The following ANAPC4 variants were observed in gnomAD, a reference collection of about 807,000 sequenced individuals.
The protein encoded by ANAPC4 is anaphase-promoting complex subunit 4.
In ANAPC4, 63 loss-of-function variants were observed where a neutral mutation model predicts 119.8. That is an observed-to-expected ratio of 0.53 (90% CI 0.43 to 0.65). ANAPC4 has a LOEUF of 0.65. Ranked by LOEUF, ANAPC4 falls within the 30% of genes least tolerant of loss-of-function variation. The pLI is 0.00. For missense variants in ANAPC4, 716 were observed against 945.1 expected (o/e 0.76, Z 3.18); for synonymous variants, 283 against 318.6 (o/e 0.89, Z 1.19).
chr4:25,416,449 G>A lies in ANAPC4; in HGVS notation c.1926G>A (p.Gln642=). 2 of 1,571,994 alleles carry A rather than the reference G, an allele frequency of 1.3e-6. No homozygotes were observed. The highest frequency in any genetic ancestry group is 1.7e-6 in the Non-Finnish European group (2 of 1,153,318). ...RRSIYSCLDA[Q]FYDDETVTVV... ...GCATCTACAGTTGTTTAGATGCACA[G>A]TTTTATGATGATGAAACTGTAACAG... Residue 642 remains glutamine, a synonymous_variant, in exon 27 of 29, where the codon CAG becomes CAA. Coordinates refer to ENST00000315368, the MANE Select transcript of ANAPC4 (RefSeq NM_013367.3).
At chr4:25,388,603 A>G (rs752884098) in intron 5 of ANAPC4, 29 bp downstream of exon 5, 4 of 1,573,612 alleles carry the variant, frequency 2.5e-6, no homozygotes, top group Admixed American at 1.7e-5. Context: ...TTTGAAATTA[A>G]TCTTGCAGAT....
chr4:25,416,320 TTAAC>T (rs2109148667), intron 26 of ANAPC4, 101 bp from the exon 27 acceptor site: 2 of 629,570 alleles, frequency 3.2e-6, no homozygotes, highest in East Asian at 5.9e-5. Context: ...AGAATGTCAC[TTAAC>T]TTTTAAATTT....
intron 3 of ANAPC4, among the ~76,000 whole-genome samples, chr4:25,380,920 C>G (rs1398096455): frequency 6.6e-6 from 1 of 152,170 alleles, no homozygotes; most frequent in Non-Finnish European, 1.5e-5. Flanking sequence ...TTTGCCTCAC[C>G]TGGGGGACTA....
intron 17 of ANAPC4, among the ~76,000 whole-genome samples, chr4:25,403,324 C>G (rs1043863765): frequency 2.0e-5 from 3 of 151,998 alleles, no homozygotes; most frequent in Admixed American, 6.5e-5. Context: ...TTGTAAAGAT[C>G]AAATCAGTAT....
At chr4:25,382,409 T>C (rs1215801321) in intron 3 of ANAPC4, among the ~76,000 whole-genome samples, 1 of 152,230 alleles carries the variant, frequency 6.6e-6, no homozygotes, top group African/African-American at 2.4e-5. Flanking sequence ...TTGGAGTATA[T>C]GTAGAATATG....
At chr4:25,411,217 G>C (rs918595535) in intron 21 of ANAPC4, among the ~76,000 whole-genome samples, 33 of 152,154 alleles carry the variant, frequency 2.2e-4, no homozygotes, top group African/African-American at 8.0e-4. Flanking sequence ...TAATCAGGAT[G>C]CCCAGGGAAT....
At chr4:25,382,190 C>T (rs917458971) in intron 3 of ANAPC4, among the ~76,000 whole-genome samples, 2 of 152,090 alleles carry the variant, frequency 1.3e-5, no homozygotes, top group Non-Finnish European at 2.9e-5. Flanking sequence ...TGCGTACTAA[C>T]CCACTATATT....
rs779804823 is a variant in ANAPC4, at chr4:25,413,680, T to C, written c.1561T>C (p.Ser521Pro). 1.9e-6 allele frequency: 3 copies of C among 1,613,638 alleles called. No homozygotes were observed. Among genetic ancestry groups the C allele is most frequent in the Non-Finnish European group, 2.5e-6 (3 of 1,179,754 alleles). Residue 521 changes from serine (S) to proline (P), a missense_variant, in exon 22 of 29, where the codon TCA becomes CCA. Coordinates refer to ENST00000315368, the MANE Select transcript of ANAPC4 (RefSeq NM_013367.3). ...PLLFPYYPRK[S>P]LHFVKRRMEN... ...GCTGTTTCCTTATTATCCTCGAAAA[T>C]CATTGCATTTTGTGAAAAGGCGGAT...
chr4:25,403,268 T>C (rs1197759172), intron 17 of ANAPC4, among the ~76,000 whole-genome samples: 1 of 152,074 alleles, frequency 6.6e-6, no homozygotes, highest in Non-Finnish European at 1.5e-5. Context: ...TTAATAAATA[T>C]ACATATTTTT....
At chr4:25,410,445 C>T (rs1723498563) in intron 21 of ANAPC4, among the ~76,000 whole-genome samples, 1 of 152,082 alleles carries the variant, frequency 6.6e-6, no homozygotes, top group South Asian at 2.1e-4. Context: ...TTATGGGGTG[C>T]TTAGTCTGCC....
chr4:25,404,728 C>T (rs1438021321), intron 17 of ANAPC4, among the ~76,000 whole-genome samples: 1 of 151,854 alleles, frequency 6.6e-6, no homozygotes, highest in Non-Finnish European at 1.5e-5. Flanking sequence ...CTGGCTCTGT[C>T]CCCAGTAGAT....
chr4:25,394,758 C>A lies in ANAPC4; in HGVS notation c.984+45C>A, dbSNP rs748908787. The A allele has an allele frequency of 4.4e-6, 7 of 1,593,320 alleles. No homozygotes were observed. The East Asian group carries it at 1.3e-4, about 31-fold the overall frequency. On this transcript the variant is annotated intron_variant, in intron 13 of 28. Transcript: ENST00000315368. Reference sequence around the variant, plus strand: ...GTATTCAAATGGCTATGAACACATTCTTAATTTTTTTTTTCGAGTGGCATA... The same window carrying A: ...GTATTCAAATGGCTATGAACACATTATTAATTTTTTTTTTCGAGTGGCATA...
intron 2 of ANAPC4, among the ~76,000 whole-genome samples, chr4:25,379,784 G>A (rs1721613713): frequency 6.6e-6 from 1 of 152,290 alleles, no homozygotes; most frequent in South Asian, 2.1e-4. Context: ...TGGCTTAGCT[G>A]AGTGTGGAAA....
chr4:25,408,409 T>A (rs1388644033), intron 20 of ANAPC4, among the ~76,000 whole-genome samples: 4 of 152,242 alleles, frequency 2.6e-5, no homozygotes, highest in African/African-American at 9.6e-5. Flanking sequence ...ATCCAGCTGT[T>A]CTAAATGCCG....
intron 2 of ANAPC4, 72 bp downstream of exon 2, chr4:25,377,628 C>T: frequency 6.6e-7 from 1 of 1,518,998 alleles, no homozygotes; most frequent in Non-Finnish European, 8.8e-7. Context: ...GAGCCCGAGC[C>T]TGTTCATTCG....
chr4:25,390,336 T>G, intron 8 of ANAPC4, 116 bp downstream of exon 8: 1 of 644,720 alleles, frequency 1.6e-6, no homozygotes, highest in Non-Finnish European at 2.5e-6. Context: ...TTGGAATTAT[T>G]CTTAAATGTT....
intron 21 of ANAPC4, among the ~76,000 whole-genome samples, chr4:25,412,675 C>T (rs1271768343): frequency 4.0e-5 from 6 of 151,700 alleles, no homozygotes; most frequent in African/African-American, 7.3e-5. Context: ...CGCTTGAATC[C>T]GGGAGGCAGA....
chr4:25,396,600 T>C (rs1382317660), intron 14 of ANAPC4, 64 bp from the exon 15 acceptor site: 2 of 1,167,554 alleles, frequency 1.7e-6, no homozygotes, highest in Middle Eastern at 2.0e-4. Context: ...TTTAGAAATA[T>C]TCAGGCAAGT....
intron 25 of ANAPC4, 63 bp from the exon 26 acceptor site, chr4:25,415,403 T>G (rs1723802692): frequency 1.6e-6 from 2 of 1,286,806 alleles, no homozygotes; most frequent in African/African-American, 1.5e-5. Context: ...TTTTAAGCCT[T>G]TAGATTATTG....
Sources: gnomAD v4.1 joint callset for allele counts (sites outside exome capture counted in the v4.1 genomes callset) on GRCh38, gnomAD v4.1.1 for gene constraint, MANE v1.5 for transcripts, NCBI Gene and HGNC (gene_info 2026-07-23, HGNC 2026-07-21) for gene names.